Variants in IFIH1 observed in about 807,000 individuals in gnomAD.
IFIH1 encodes the protein interferon induced with helicase C domain 1.
A neutral mutation model predicts 107.4 loss-of-function variants in IFIH1; 125 were observed. That is an observed-to-expected ratio of 1.16 (90% CI 1.01 to 1.35). The LOEUF (loss-of-function observed/expected upper bound fraction) is 1.35, where lower values mean the gene tolerates loss of function less well. IFIH1 is among the 40% of genes most tolerant of loss of function. The pLI is 0.00. For synonymous variants in IFIH1, 458 were observed against 413.2 expected (o/e 1.11, Z -1.31); for missense variants, 1,333 against 1,213.7 (o/e 1.10, Z -1.46).
chr2:162,275,751 C>T (rs1053270932), intron 11 of IFIH1, among the ~76,000 whole-genome samples: 24 of 152,126 alleles, frequency 1.6e-4, no homozygotes, highest in African/African-American at 5.3e-4. Context: ...ATATTTTACT[C>T]TAACAAGGCA....
At chr2:162,289,760 A>T (rs989211668) in intron 4 of IFIH1, among the ~76,000 whole-genome samples, 1 of 151,920 alleles carries the variant, frequency 6.6e-6, no homozygotes, top group African/African-American at 2.4e-5. Context: ...GTAAAAACAG[A>T]TGCAATACAT....
chr2:162,289,521 A>G (rs1682959791), intron 4 of IFIH1, among the ~76,000 whole-genome samples: 1 of 151,964 alleles, frequency 6.6e-6, no homozygotes, highest in African/African-American at 2.4e-5. Flanking sequence ...TTCATCACAC[A>G]TGAAATAACT....
chr2:162,297,914 C>T (rs1207552303), intron 3 of IFIH1, among the ~76,000 whole-genome samples: 1 of 152,128 alleles, frequency 6.6e-6, no homozygotes, highest in Non-Finnish European at 1.5e-5. Flanking sequence ...GCAATCACAT[C>T]TTGAGTATTT....
At chr2:162,292,886 C>T (rs972789851) in intron 4 of IFIH1, among the ~76,000 whole-genome samples, 4 of 151,486 alleles carry the variant, frequency 2.6e-5, no homozygotes, top group African/African-American at 7.3e-5. Flanking sequence ...AATATACACT[C>T]AAAGAAAAGA....
At chr2:162,273,718 T>G in intron 12 of IFIH1, 77 bp downstream of exon 12, 2 of 1,098,344 alleles carry the variant, frequency 1.8e-6, no homozygotes, top group Admixed American at 5.5e-5. Flanking sequence ...TTTTTGCTGT[T>G]TAACTAAAAG....
chr2:162,267,103 T>G lies in IFIH1; in HGVS notation c.*97A>C, dbSNP rs1164256474. 5.6e-6 allele frequency: 5 copies of G among 900,146 alleles called. No homozygotes were observed. Among genetic ancestry groups the G allele is most frequent in the Non-Finnish European group, 8.5e-6 (5 of 591,494 alleles). The allele number at this position is 900,146 out of a possible 1,614,324, so 55.8% of individuals were successfully genotyped here. On this transcript the variant is annotated 3_prime_UTR_variant, in exon 16 of 16. Coordinates refer to ENST00000649979, the MANE Select transcript of IFIH1 (RefSeq NM_022168.4). The stretch of plus-strand genomic sequence containing the variant: ...ATGCAGAGTAAAACAATCATTTTAT[T>G]GATTCTTATGTCAGTTCTGTAGCAT...
In IFIH1 at chr2:162,280,082, T is replaced by G. The variant is rs1190299758; in HGVS notation, c.1555A>C (p.Lys519Gln). Residue 519 changes from lysine (K) to glutamine (Q), a missense_variant, in exon 8 of 16, where the codon AAA becomes CAA. Coordinates refer to ENST00000649979, the MANE Select transcript of IFIH1 (RefSeq NM_022168.4). Reference protein sequence around the residue: ...LCANLDAFTIKTVKENLDQLK... With the variant: ...LCANLDAFTIQTVKENLDQLK... ...TGATCAAGGTTTTCTTTAACAGTTTTAATAGTAAATGCATCAAGATTGGCA... is the reference window on the plus strand; with the variant it reads ...TGATCAAGGTTTTCTTTAACAGTTTGAATAGTAAATGCATCAAGATTGGCA... The G allele has an allele frequency of 1.3e-6, 2 of 1,599,784 alleles. No individual in the cohort carries two copies. Among genetic ancestry groups the G allele is most frequent in the Non-Finnish European group, 1.7e-6 (2 of 1,168,086 alleles).
In IFIH1 at chr2:162,278,260, C is replaced by T. The variant is rs776280813; in HGVS notation, c.1710G>A (p.Met570Ile). Residue 570 changes from methionine (M) to isoleucine (I), a missense_variant, in exon 9 of 16, where the codon ATG becomes ATA. Coordinates refer to ENST00000649979, the MANE Select transcript of IFIH1 (RefSeq NM_022168.4). ...CATAGGGTTGAGTTCCAAAATCTGA[C>T]ATTGGACTCATTTGACAATAAGTTT... ...RIQTYCQMSPMSDFGTQPYEQ... is the reference protein window; with the variant it reads ...RIQTYCQMSPISDFGTQPYEQ... 1.3e-5 allele frequency: 21 copies of T among 1,574,842 alleles called. No individual in the cohort carries two copies. In the Middle Eastern group the frequency reaches 1.7e-3, roughly 126 times the overall value.
chr2:162,279,579 A>G (rs1682769805), intron 8 of IFIH1, among the ~76,000 whole-genome samples: 4 of 152,112 alleles, frequency 2.6e-5, no homozygotes, highest in Admixed American at 2.6e-4. Flanking sequence ...CAAATTAGAT[A>G]GGATTCCCAT....
intron 7 of IFIH1, among the ~76,000 whole-genome samples, chr2:162,280,390 T>C (rs1350942833): frequency 6.6e-6 from 1 of 152,114 alleles, no homozygotes; most frequent in Admixed American, 6.6e-5. Flanking sequence ...GAGAAAAAGG[T>C]GTATTGATAT....
In IFIH1 at chr2:162,272,340, A is replaced by G. The variant is rs762276177; in HGVS notation, c.2502T>C (p.Ala834=). 6.2e-7 allele frequency: 1 copy of G among 1,613,614 alleles called. No homozygotes were observed. Among genetic ancestry groups the G allele is most frequent in the Non-Finnish European group, 8.5e-7 (1 of 1,179,758 alleles). The change falls in exon 13 of 16, where the codon GCT becomes GCC. Residue 834 remains alanine (A), a synonymous_variant. Coordinates refer to ENST00000649979, the MANE Select transcript of IFIH1 (RefSeq NM_022168.4). ...RADESTYVLV[A]HSGSGVIEHE... is the part of the protein sequence containing the mutation. ...GTTCGATAACTCCTGAACCACTGTG[A>G]GCAACCAGGACGTAGGTGCTCTCAT...
At chr2:162,286,825 G>C (rs1207375011) in intron 5 of IFIH1, among the ~76,000 whole-genome samples, 12 of 151,896 alleles carry the variant, frequency 7.9e-5, no homozygotes, top group Non-Finnish European at 2.9e-5. Flanking sequence ...GAGAAAGCTA[G>C]TATTTAAGAG....
In IFIH1 at chr2:162,277,493, C is replaced by T. The variant is rs921683693; in HGVS notation, c.1966G>A (p.Gly656Ser). 2 of 1,591,092 alleles carry T rather than the reference C, an allele frequency of 1.3e-6. No individual in the cohort carries two copies. Among genetic ancestry groups the T allele is most frequent in the Non-Finnish European group, 1.7e-6 (2 of 1,159,936 alleles). Reference sequence around the variant, plus strand: ...TTTAAATCATCCTCATCTTCATCACCATCACAATACTCATCATCACCACCC... The same window carrying T: ...TTTAAATCATCCTCATCTTCATCACTATCACAATACTCATCATCACCACCC... ...DEGGDDEYCD[G>S]DEDEDDLKKP... Residue 656 changes from glycine (G) to serine (S), a missense_variant, in exon 10 of 16, where the codon GGT becomes AGT. Gly to Ser is a moderately conservative substitution (Grantham distance 56). Transcript: ENST00000649979.
intron 3 of IFIH1, among the ~76,000 whole-genome samples, chr2:162,296,918 G>T (rs1282050709): frequency 6.6e-6 from 1 of 152,004 alleles, no homozygotes; most frequent in Non-Finnish European, 1.5e-5. Flanking sequence ...AATATATGGA[G>T]CTCGATTTCT....
chr2:162,284,914 A>G (rs533977096), intron 5 of IFIH1, among the ~76,000 whole-genome samples: 1 of 152,088 alleles, frequency 6.6e-6, no homozygotes, highest in Admixed American at 6.6e-5. Flanking sequence ...CTGCCCATAA[A>G]AGGTGAGTCA....
At chr2:162,288,817 A>G (rs1682942678) in intron 4 of IFIH1, among the ~76,000 whole-genome samples, 1 of 151,616 alleles carries the variant, frequency 6.6e-6, no homozygotes, top group Non-Finnish European at 1.5e-5. Context: ...AGTCCTCCCA[A>G]TTCCGTATTT....
intron 1 of IFIH1, among the ~76,000 whole-genome samples, chr2:162,311,558 TG>T (rs1269436868): frequency 6.6e-6 from 1 of 152,094 alleles, no homozygotes; most frequent in African/African-American, 2.4e-5. Flanking sequence ...TTTGGAAATA[TG>T]GGGCAGAATT....
In IFIH1 at chr2:162,310,483, A is replaced by T. The variant is rs946201832; in HGVS notation, c.622+282T>A. 7.9e-6 allele frequency: 4 copies of T among 506,012 alleles called. No individual in the cohort carries two copies. In the Admixed American group the frequency reaches 1.5e-4, roughly 19 times the overall value. The allele number at this position is 506,012 out of a possible 1,614,324, so 31.3% of individuals were successfully genotyped here. A position where few individuals can be genotyped will look rare whatever the true frequency, so the allele number is the denominator to read the frequency against. On this transcript the variant is annotated intron_variant, in intron 2 of 15. Transcript: ENST00000649979. ...AATGTATTTGTGTATATTTAATGTT[A>T]CATAATCTTGATAAAATTTCTGGTA...
chr2:162,317,973 T>C lies in IFIH1; in HGVS notation c.335A>G (p.Asp112Gly), dbSNP rs923369950. Residue 112 changes from aspartate to glycine, a missense_variant, in exon 1 of 16, where the codon GAT (aspartate) becomes GGT (glycine). Transcript: ENST00000649979. ...LPSPSFENAH[D>G]EYLQLLNLLQ... ...GAGGTTCAGCAGTTGGAGATATTCA[T>C]CATGAGCGTTCTCAAACGATGGAGA... 1.9e-6 allele frequency: 3 copies of C among 1,614,070 alleles called. No homozygotes were observed. The highest frequency in any genetic ancestry group is 2.5e-6 in the Non-Finnish European group (3 of 1,180,040).
Sources: gnomAD v4.1 joint callset for allele counts (sites outside exome capture counted in the v4.1 genomes callset) on GRCh38, gnomAD v4.1.1 for gene constraint, MANE v1.5 for transcripts, NCBI Gene and HGNC (gene_info 2026-07-23, HGNC 2026-07-21) for gene names.